The following GREB1L variants were observed in gnomAD, a reference collection of about 807,000 sequenced individuals.
The protein encoded by GREB1L is GREB1 like retinoic acid receptor coactivator.
A neutral mutation model predicts 200.8 loss-of-function variants in GREB1L; 17 were observed. That is an observed-to-expected ratio of 0.08 (90% CI 0.06 to 0.13). The LOEUF is 0.13. Among genes scored for constraint, GREB1L ranks in the 10% least tolerant of loss-of-function variants. The pLI is 1.00. For missense variants in GREB1L, 1,657 were observed against 2,367.7 expected (o/e 0.70, Z 6.23); for synonymous variants, 789 against 893.0 (o/e 0.88, Z 2.08).
intron 1 of GREB1L, among the ~76,000 whole-genome samples, chr18:21,246,451 A>C (rs1017839): frequency 1.3e-5 from 2 of 152,070 alleles, no homozygotes; most frequent in Non-Finnish European, 2.9e-5. Context: ...TTACTAATTT[A>C]ATCAGTGTAA....
At chr18:21,307,573 T>C (rs2038720604) in intron 1 of GREB1L, among the ~76,000 whole-genome samples, 1 of 152,156 alleles carries the variant, frequency 6.6e-6, no homozygotes, top group African/African-American at 2.4e-5. Flanking sequence ...TAAACATCAC[T>C]GGTTCAGGGA....
At chr18:21,250,270 A>G (rs1034639517) in intron 1 of GREB1L, among the ~76,000 whole-genome samples, 2 of 152,212 alleles carry the variant, frequency 1.3e-5, no homozygotes, top group African/African-American at 4.8e-5. Context: ...TTGGTTAATC[A>G]GTTTGTAAAG....
At chr18:21,259,917 T>G (rs1339079200) in intron 1 of GREB1L, among the ~76,000 whole-genome samples, 2 of 151,536 alleles carry the variant, frequency 1.3e-5, no homozygotes, top group African/African-American at 4.8e-5. Context: ...CTCATATCCT[T>G]TTTTTTTGTC....
intron 1 of GREB1L, among the ~76,000 whole-genome samples, chr18:21,365,579 C>T (rs966302987): frequency 1.3e-5 from 2 of 152,046 alleles, no homozygotes; most frequent in Non-Finnish European, 2.9e-5. Context: ...TTATGTTTTA[C>T]GTTTTTGATA....
intron 25 of GREB1L, among the ~76,000 whole-genome samples, chr18:21,507,794 G>T (rs936367996): frequency 1.3e-5 from 2 of 152,192 alleles, no homozygotes; most frequent in African/African-American, 4.8e-5. Flanking sequence ...TACAGAGCAG[G>T]ACATCCCACA....
intron 15 of GREB1L, among the ~76,000 whole-genome samples, chr18:21,470,123 TAAAA>T (rs879495916): frequency 7.0e-6 from 1 of 143,422 alleles, no homozygotes; most frequent in Non-Finnish European, 1.5e-5. Context: ...CCATTTCTAT[TAAAA>T]AAAAAAAAAT....
chr18:21,493,637 C>T (rs1272421468), intron 19 of GREB1L, among the ~76,000 whole-genome samples: 2 of 151,978 alleles, frequency 1.3e-5, no homozygotes, highest in African/African-American at 2.4e-5. Flanking sequence ...GAGACTGAGG[C>T]GGGCAGTCGC....
In GREB1L at chr18:21,434,557, G is replaced by A. The variant is rs577339391; in HGVS notation, c.833-4964G>A. Among the ~76,000 whole-genome samples, 41 of 133,232 alleles carry A rather than the reference G, an allele frequency of 3.1e-4. 1 individual carries two copies. In the South Asian group the frequency reaches 9.1e-3, roughly 30 times the overall value. 87.4% of individuals were successfully genotyped at this position (133,232 alleles called of 152,430 possible). The stretch of plus-strand genomic sequence containing the variant: ...TATATATATGTGTATATATATGTGT[G>A]TATATATATGTGTGTATATATATAT... On this transcript the variant is annotated intron_variant, in intron 7 of 32. Coordinates refer to ENST00000424526, the MANE Select transcript of GREB1L (RefSeq NM_001142966.3).
chr18:21,465,617 T>C (rs2035234412), intron 15 of GREB1L, among the ~76,000 whole-genome samples: 1 of 152,208 alleles, frequency 6.6e-6, no homozygotes, highest in African/African-American at 2.4e-5. Context: ...CACTAGTCTT[T>C]CCATTTCTGC....
intron 7 of GREB1L, 74 bp from the exon 8 acceptor site, chr18:21,439,447 A>T (rs1162054102): frequency 1.2e-6 from 1 of 852,826 alleles, no homozygotes; most frequent in Non-Finnish European, 1.9e-6. Flanking sequence ...GGTCTATCAG[A>T]TGGTTCCAGC....
intron 2 of GREB1L, among the ~76,000 whole-genome samples, chr18:21,367,498 C>T (rs1484541760): frequency 3.9e-5 from 6 of 152,128 alleles, no homozygotes; most frequent in Middle Eastern, 3.4e-3. Context: ...AGAGGTAAGC[C>T]GGGAACTTAC....
chr18:21,268,592 T>TAC (rs1206399781), intron 1 of GREB1L, among the ~76,000 whole-genome samples: 5 of 128,344 alleles, frequency 3.9e-5, no homozygotes, highest in Middle Eastern at 3.9e-3. Context: ...TATATATATA[T>TAC]ACATGTATAT....
At chr18:21,335,157 G>A (rs1238094266) in intron 1 of GREB1L, among the ~76,000 whole-genome samples, 4 of 152,092 alleles carry the variant, frequency 2.6e-5, no homozygotes, top group Non-Finnish European at 5.9e-5. Context: ...CTCTTTCCCC[G>A]TAATAAGCAG....
chr18:21,343,202 G>C (rs2143033802), intron 1 of GREB1L, among the ~76,000 whole-genome samples: 1 of 152,056 alleles, frequency 6.6e-6, no homozygotes, highest in East Asian at 1.9e-4. Flanking sequence ...TATTCTTCTA[G>C]CTTTCTTTTC....
chr18:21,386,754 C>T (rs555264054), intron 4 of GREB1L, among the ~76,000 whole-genome samples: 1 of 152,196 alleles, frequency 6.6e-6, no homozygotes, highest in South Asian at 2.1e-4. Context: ...ATCCGCCTGC[C>T]TCGGCCTCCC....
In GREB1L at chr18:21,353,942, C is replaced by T. The variant is rs548529449; in HGVS notation, c.-119-12085C>T. On this transcript the variant is annotated intron_variant, in intron 1 of 32. Transcript: ENST00000424526. Reference sequence around the variant, plus strand: ...CTGGGATTACAGGTGCATACCACCACACTCAGATAATTTTTTTGTATTTTT... The same window carrying T: ...CTGGGATTACAGGTGCATACCACCATACTCAGATAATTTTTTTGTATTTTT... 4.0e-3 allele frequency among the ~76,000 whole-genome samples: 601 copies of T among 152,126 alleles called. 1 individual carries two copies. Among genetic ancestry groups the T allele is most frequent in the Non-Finnish European group, 6.7e-3 (453 of 68,000 alleles).
intron 1 of GREB1L, among the ~76,000 whole-genome samples, chr18:21,294,062 A>C (rs2038491273): frequency 6.6e-6 from 1 of 152,204 alleles, no homozygotes; most frequent in Admixed American, 6.5e-5. Context: ...GATTGCAGGC[A>C]TGAGCCACTG....
intron 19 of GREB1L, among the ~76,000 whole-genome samples, chr18:21,493,392 C>G (rs1259822520): frequency 1.3e-5 from 2 of 152,104 alleles, no homozygotes; most frequent in Non-Finnish European, 2.9e-5. Flanking sequence ...CAATGATCAC[C>G]CCATCTTTTG....
At chr18:21,428,710 CTTTT>C (rs747598415) in intron 7 of GREB1L, among the ~76,000 whole-genome samples, 2 of 49,926 alleles carry the variant, frequency 4.0e-5, no homozygotes, top group Non-Finnish European at 3.2e-5. Context: ...CGGTTTATCT[CTTTT>C]TTTTTTTTTT....
Sources: gnomAD v4.1 joint callset for allele counts (sites outside exome capture counted in the v4.1 genomes callset) on GRCh38, gnomAD v4.1.1 for gene constraint, MANE v1.5 for transcripts, NCBI Gene and HGNC (gene_info 2026-07-23, HGNC 2026-07-21) for gene names.